Variants in MOXD1 observed in about 807,000 individuals in gnomAD.
The protein encoded by MOXD1 is monooxygenase DBH like 1.
Under a neutral mutation model 66.6 loss-of-function variants are expected in MOXD1, and 62 were observed. The observed-to-expected ratio is 0.93, with a 90% confidence interval of 0.76 to 1.15. The LOEUF is 1.15. Ranked by LOEUF, MOXD1 falls within the 50% of genes most tolerant of loss-of-function variation. MOXD1 has a pLI of 0.00. For missense variants in MOXD1, 847 were observed against 754.6 expected (o/e 1.12, Z -1.44); for synonymous variants, 303 against 281.9 (o/e 1.07, Z -0.75).
At chr6:132,391,462 A>G (rs1056939447) in intron 1 of MOXD1, 1 of 152,192 alleles carries the variant, frequency 6.6e-6, no homozygotes, top group Non-Finnish European at 1.5e-5. Context: ...CTGAAATTTA[A>G]CAAGTTAAAA....
At chr6:132,383,983 T>C (rs914715820) in intron 1 of MOXD1, among the ~76,000 whole-genome samples, 1 of 152,100 alleles carries the variant, frequency 6.6e-6, no homozygotes, top group Non-Finnish European at 1.5e-5. Context: ...GGCTGGAGAA[T>C]CACTTGAACC....
chr6:132,396,931 T>G (rs1397353213), intron 1 of MOXD1, among the ~76,000 whole-genome samples: 3 of 152,204 alleles, frequency 2.0e-5, no homozygotes, highest in Non-Finnish European at 2.9e-5. Context: ...CACTGCTGAA[T>G]TCCCATGTGA....
chr6:132,372,820 A>G lies in MOXD1; in HGVS notation c.579+10T>C. ...CCATCCCTACAATCATAAAACCTGA[A>G]AACACTTACGTCCTGATTTACCAGA... On this transcript the variant is annotated intron_variant, in intron 3 of 11. Transcript: ENST00000367963. The G allele has an allele frequency of 6.2e-7, 1 of 1,612,982 alleles. No homozygotes were observed. Among genetic ancestry groups the G allele is most frequent in the Non-Finnish European group, 8.5e-7 (1 of 1,179,118 alleles).
chr6:132,302,976 C>A (rs1350745760), intron 10 of MOXD1, among the ~76,000 whole-genome samples: 3 of 152,002 alleles, frequency 2.0e-5, no homozygotes, highest in Non-Finnish European at 4.4e-5. Flanking sequence ...GGTTCTTGCA[C>A]AACTTGATAT....
At chr6:132,376,173 T>C (rs9388988) in intron 1 of MOXD1, among the ~76,000 whole-genome samples, 19,533 of 152,246 alleles carry the variant, frequency 0.13, 1,844 homozygotes, top group East Asian at 0.45. Flanking sequence ...TGAGAAGTTG[T>C]ACAGTTGATT....
At chr6:132,337,650 C>G (rs1370528948) in intron 4 of MOXD1, among the ~76,000 whole-genome samples, 2 of 152,112 alleles carry the variant, frequency 1.3e-5, no homozygotes, top group Non-Finnish European at 2.9e-5. Context: ...GGTCCTTTGG[C>G]CAAACACTTC....
At chr6:132,356,330 C>A (rs866199417) in intron 4 of MOXD1, among the ~76,000 whole-genome samples, 4 of 152,066 alleles carry the variant, frequency 2.6e-5, no homozygotes, top group Non-Finnish European at 5.9e-5. Flanking sequence ...GGAAAGCAAG[C>A]CAAAGCAATC....
chr6:132,371,637 T>C (rs1257488132), intron 4 of MOXD1, among the ~76,000 whole-genome samples: 2 of 152,144 alleles, frequency 1.3e-5, no homozygotes, highest in East Asian at 3.8e-4. Flanking sequence ...TGTCCATCTT[T>C]TACAGATGAG....
At chr6:132,373,932 C>A (rs1414921617) in intron 2 of MOXD1, among the ~76,000 whole-genome samples, 1 of 152,130 alleles carries the variant, frequency 6.6e-6, no homozygotes, top group East Asian at 1.9e-4. Flanking sequence ...TTTTTTCTGC[C>A]TCGTTCACTC....
intron 2 of MOXD1, among the ~76,000 whole-genome samples, chr6:132,373,311 G>A (rs959033946): frequency 2.6e-5 from 4 of 152,096 alleles, no homozygotes; most frequent in African/African-American, 4.8e-5. Flanking sequence ...TCATTGTCAC[G>A]CCAAAACTTT....
chr6:132,301,198 TTATA>T (rs34981314), intron 10 of MOXD1, among the ~76,000 whole-genome samples: 15,078 of 145,788 alleles, frequency 0.1, 1,274 homozygotes, highest in African/African-American at 0.22. Flanking sequence ...ACGAATGGTA[TTATA>T]TATATATATA....
At chr6:132,363,195 G>C (rs1314231032) in intron 4 of MOXD1, among the ~76,000 whole-genome samples, 86 of 80,444 alleles carry the variant, frequency 1.1e-3, no homozygotes, top group Admixed American at 3.7e-4. Flanking sequence ...TAGATCTCAT[G>C]TCAAATGTTC....
At chr6:132,298,174 A>G (rs375216468) in intron 10 of MOXD1, among the ~76,000 whole-genome samples, 9 of 152,200 alleles carry the variant, frequency 5.9e-5, no homozygotes, top group Admixed American at 3.3e-4. Context: ...GATTGGCATT[A>G]ATTTTATTTT....
chr6:132,349,701 G>C (rs997766984), intron 4 of MOXD1, among the ~76,000 whole-genome samples: 1 of 151,790 alleles, frequency 6.6e-6, no homozygotes, highest in Non-Finnish European at 1.5e-5. Context: ...TCTCCACACT[G>C]TTTGCCATAG....
At chr6:132,400,251 T>C (rs1210922096) in intron 1 of MOXD1, among the ~76,000 whole-genome samples, 1 of 152,196 alleles carries the variant, frequency 6.6e-6, no homozygotes, top group African/African-American at 2.4e-5. Context: ...GGAGTTTTCA[T>C]CTGGATCAAG....
At chr6:132,331,248 T>A (rs1775311036) in intron 4 of MOXD1, among the ~76,000 whole-genome samples, 1 of 152,190 alleles carries the variant, frequency 6.6e-6, no homozygotes, top group Non-Finnish European at 1.5e-5. Flanking sequence ...TTCAGGCACA[T>A]GTGAGATTTT....
chr6:132,384,959 C>T (rs1021855761), intron 1 of MOXD1, among the ~76,000 whole-genome samples: 3 of 152,218 alleles, frequency 2.0e-5, no homozygotes, highest in Non-Finnish European at 4.4e-5. Flanking sequence ...TTGGAAGACA[C>T]TCAGGAGCCT....
At chr6:132,351,387 T>C (rs1222084676) in intron 4 of MOXD1, among the ~76,000 whole-genome samples, 1 of 152,214 alleles carries the variant, frequency 6.6e-6, no homozygotes, top group Non-Finnish European at 1.5e-5. Flanking sequence ...TTTCTGCATC[T>C]ATTGAGATGA....
chr6:132,346,976 G>T (rs1775680057), intron 4 of MOXD1, among the ~76,000 whole-genome samples: 1 of 152,144 alleles, frequency 6.6e-6, no homozygotes, highest in African/African-American at 2.4e-5. Context: ...AATTGTCAAG[G>T]AGTTAAAGTT....
Sources: gnomAD v4.1 joint callset for allele counts (sites outside exome capture counted in the v4.1 genomes callset) on GRCh38, gnomAD v4.1.1 for gene constraint, MANE v1.5 for transcripts, NCBI Gene and HGNC (gene_info 2026-07-23, HGNC 2026-07-21) for gene names.